ARHGAP19: variants seen among roughly 807,000 people sequenced by gnomAD.
ARHGAP19 encodes rho GTPase-activating protein 19.
A neutral mutation model predicts 60.9 loss-of-function variants in ARHGAP19; 48 were observed. The observed-to-expected ratio is 0.79, with a 90% CI of 0.62 to 1.00. ARHGAP19 has a LOEUF of 1.00. ARHGAP19 is among the 50% of genes least tolerant of loss of function. The pLI is 0.00. For synonymous variants in ARHGAP19, 209 were observed against 215.5 expected (o/e 0.97, Z 0.27); for missense variants, 562 against 597.2 (o/e 0.94, Z 0.61).
chr10:97,241,302 T>A (rs1048471759), intron 8 of ARHGAP19, among the ~76,000 whole-genome samples: 9 of 151,386 alleles, frequency 5.9e-5, no homozygotes, highest in Admixed American at 2.0e-4. Flanking sequence ...TCAAATATGA[T>A]CTTTTACTTA....
chr10:97,224,717 G>A lies in ARHGAP19; in HGVS notation c.*1405C>T, dbSNP rs1335496951. On this transcript the variant is annotated 3_prime_UTR_variant, in exon 12 of 12. Coordinates refer to ENST00000358531, the MANE Select transcript of ARHGAP19 (RefSeq NM_032900.6). ...GCCTGACTCGGCTCCAACCCACAGG[G>A]TGAGAAGGGTTGTACAGCTCCACAG... is the stretch of plus-strand genomic sequence containing the variant. 5 of 152,270 alleles carry A rather than the reference G, an allele frequency of 3.3e-5. No homozygotes were observed. The highest frequency in any genetic ancestry group is 5.9e-5 in the Non-Finnish European group (4 of 68,078). 9.4% of individuals were successfully genotyped at this position (152,270 alleles called of 1,614,324 possible). A position where few individuals can be genotyped will look rare whatever the true frequency, so the allele number is the denominator to read the frequency against.
chr10:97,232,217 A>G (rs1414937175), intron 9 of ARHGAP19, among the ~76,000 whole-genome samples: 1 of 127,980 alleles, frequency 7.8e-6, no homozygotes, highest in Non-Finnish European at 1.5e-5. Context: ...AGGCTGGAGT[A>G]CAGTGGCTCA....
chr10:97,257,850 A>G (rs181605594), intron 5 of ARHGAP19, among the ~76,000 whole-genome samples: 199 of 152,168 alleles, frequency 1.3e-3, no homozygotes, highest in African/African-American at 4.6e-3. Context: ...TAATCTCAAA[A>G]ATTTTTTATA....
rs932623419 is a variant in ARHGAP19 at position 97,251,931 on chromosome 10, C to CAACAGA, written c.927+4386_927+4387insTCTGTT. Among the ~76,000 whole-genome samples, 4 of 150,724 alleles carry CAACAGA rather than the reference C, an allele frequency of 2.7e-5. No individual in the cohort carries two copies. The Admixed American group carries it at 2.7e-4, about 10-fold the overall frequency. On this transcript the variant is annotated intron_variant, in intron 6 of 11. Transcript: ENST00000358531. ...AAGTATTTTACAATTCATAGAGAAA[C>CAACAGA]AACAAGAAATTTATAGAGAAACAAG...
At position 97,261,020 on chromosome 10, in the gene ARHGAP19, TA is replaced by T. The variant is rs577931719; in HGVS notation, c.614-1393del. ...TTTCCCCACTCAGATATTTTACAGCTAAAAGAAAAATGAGAATGAAAAATGA... is the reference window on the plus strand; with the variant it reads ...TTTCCCCACTCAGATATTTTACAGCTAAAGAAAAATGAGAATGAAAAATGA... On this transcript the variant is annotated intron_variant, in intron 4 of 11. Coordinates refer to ENST00000358531, the MANE Select transcript of ARHGAP19 (RefSeq NM_032900.6). Among the ~76,000 whole-genome samples the T allele has an allele frequency of 3.5e-5, 5 of 143,338 alleles. No homozygotes were observed. The South Asian group carries it at 1.1e-3, about 31-fold the overall frequency. The allele number at this position is 143,338 out of a possible 152,430, so 94.0% of individuals were successfully genotyped here.
chr10:97,238,559 CAAATT>C (rs1842419432), intron 8 of ARHGAP19, among the ~76,000 whole-genome samples: 1 of 151,958 alleles, frequency 6.6e-6, no homozygotes, highest in African/African-American at 2.4e-5. Context: ...AATTTACAAA[CAAATT>C]AAAAGTTTTT....
At chr10:97,283,372 T>C (rs942170716) in intron 1 of ARHGAP19, among the ~76,000 whole-genome samples, 5 of 151,416 alleles carry the variant, frequency 3.3e-5, no homozygotes, top group African/African-American at 1.2e-4. Context: ...CTGGCCAACA[T>C]GGTGATACCC....
chr10:97,241,618 C>A (rs1842483080), intron 8 of ARHGAP19, among the ~76,000 whole-genome samples: 1 of 150,930 alleles, frequency 6.6e-6, no homozygotes, highest in African/African-American at 2.4e-5. Context: ...CAGGCTGAGG[C>A]AGGAGGATTG....
chr10:97,281,522 T>A (rs749540193), intron 1 of ARHGAP19, among the ~76,000 whole-genome samples: 1 of 152,222 alleles, frequency 6.6e-6, no homozygotes, highest in Non-Finnish European at 1.5e-5. Context: ...CTGAGACATA[T>A]GGTACCCAAA....
At chr10:97,261,649 CTA>C (rs1272578536) in intron 4 of ARHGAP19, among the ~76,000 whole-genome samples, 1 of 151,252 alleles carries the variant, frequency 6.6e-6, no homozygotes, top group Admixed American at 6.6e-5. Context: ...AAAAAAAAAA[CTA>C]ATCGTATTAG....
rs767978615 is a variant in ARHGAP19, at chr10:97,292,580, G to A, written c.48C>T (p.Ser16=). 1.0e-4 allele frequency: 164 copies of A among 1,614,030 alleles called. 1 individual carries two copies. Among genetic ancestry groups the A allele is most frequent in the East Asian group, 2.0e-4 (9 of 44,896 alleles). Residue 16 remains serine, a synonymous_variant, in exon 1 of 12, where the codon TCC becomes TCT. Transcript: ENST00000358531. ...GACCAAACTCAGCTCACCTCCGGCC[G>A]GATTCGCGGGCTGGCACCTCCCCTT... ...QSEGEVPARE[S]GRSDAICSFV... is the part of the protein sequence containing the mutation.
intron 2 of ARHGAP19, among the ~76,000 whole-genome samples, chr10:97,265,202 T>C (rs953931770): frequency 6.6e-5 from 10 of 152,110 alleles, no homozygotes; most frequent in African/African-American, 2.4e-4. Flanking sequence ...TAGTATTTAA[T>C]TTAACAAACA....
intron 6 of ARHGAP19, among the ~76,000 whole-genome samples, chr10:97,252,834 C>T (rs553215081): frequency 6.6e-6 from 1 of 152,152 alleles, no homozygotes; most frequent in East Asian, 1.9e-4. Context: ...AATCAGTTTT[C>T]AAAGGAATAT....
chr10:97,265,826 A>G, intron 2 of ARHGAP19, 34 bp downstream of exon 2: 2 of 1,603,612 alleles, frequency 1.2e-6, no homozygotes, highest in Non-Finnish European at 1.7e-6. Context: ...GGAGCAGCTG[A>G]GGCCTGCCCA....
At chr10:97,283,287 T>A (rs1843109742) in intron 1 of ARHGAP19, among the ~76,000 whole-genome samples, 1 of 152,030 alleles carries the variant, frequency 6.6e-6, no homozygotes, top group South Asian at 2.1e-4. Flanking sequence ...GTGAGAGTGT[T>A]CACTGAAGGT....
rs1267919687 is a variant in ARHGAP19, at chr10:97,239,567, TG to T, written c.1186-4253del. On this transcript the variant is annotated intron_variant, in intron 8 of 11. Coordinates refer to ENST00000358531, the MANE Select transcript of ARHGAP19 (RefSeq NM_032900.6). ...GAGAGAGAGGGTGTGTGTGTGTGTGTGTGTGTGTGTGTGTGTGTGTGTGTGT... is the reference window on the plus strand; with the variant it reads ...GAGAGAGAGGGTGTGTGTGTGTGTGTTGTGTGTGTGTGTGTGTGTGTGTGT... Among the ~76,000 whole-genome samples, 130 of 95,466 alleles carry T rather than the reference TG, an allele frequency of 1.4e-3. 1 individual carries two copies. The highest frequency in any genetic ancestry group is 3.5e-3 in the African/African-American group (125 of 35,246). 62.6% of individuals were successfully genotyped at this position (95,466 alleles called of 152,430 possible).
chr10:97,227,563 T>C (rs1442627620), intron 11 of ARHGAP19, among the ~76,000 whole-genome samples: 1 of 152,106 alleles, frequency 6.6e-6, no homozygotes, highest in East Asian at 1.9e-4. Flanking sequence ...AGAACGAGAA[T>C]AATGTAGCAT....
intron 4 of ARHGAP19, among the ~76,000 whole-genome samples, chr10:97,261,137 G>A (rs542733318): frequency 6.6e-6 from 1 of 152,088 alleles, no homozygotes; most frequent in South Asian, 2.1e-4. Flanking sequence ...AGACTAAAAA[G>A]GTTATCAATG....
At chr10:97,233,413 T>G (rs1851063625) in intron 9 of ARHGAP19, among the ~76,000 whole-genome samples, 1 of 152,106 alleles carries the variant, frequency 6.6e-6, no homozygotes, top group Admixed American at 6.5e-5. Context: ...ATTTTAAATT[T>G]TAAGCAAAGA....
Sources: gnomAD v4.1 joint callset for allele counts (sites outside exome capture counted in the v4.1 genomes callset) on GRCh38, gnomAD v4.1.1 for gene constraint, MANE v1.5 for transcripts, NCBI Gene and HGNC (gene_info 2026-07-23, HGNC 2026-07-21) for gene names.